Variants in CATSPERT observed in about 807,000 individuals in gnomAD.
CATSPERT encodes catsper channel auxiliary subunit tau.
chr2:201,605,059 T>TACACACAC, the CATSPERT span, among the ~76,000 whole-genome samples: 176 of 149,860 alleles, frequency 1.2e-3, no homozygotes, highest in Non-Finnish European at 2.2e-3. Context: ...TATATATACA[T>TACACACAC]ACACACACAC....
the CATSPERT span, among the ~76,000 whole-genome samples, chr2:201,585,065 A>G: frequency 2.6e-5 from 4 of 152,150 alleles, no homozygotes; most frequent in Non-Finnish European, 5.9e-5. Flanking sequence ...CAAATTTACA[A>G]TTCTATACTC....
At chr2:201,540,538 T>C in the CATSPERT span, among the ~76,000 whole-genome samples, 1 of 152,194 alleles carries the variant, frequency 6.6e-6, no homozygotes, top group African/African-American at 2.4e-5. Context: ...GCTCTATAAA[T>C]GGAACAACAA....
the CATSPERT span, among the ~76,000 whole-genome samples, chr2:201,616,539 G>A: frequency 9.9e-5 from 15 of 152,108 alleles, no homozygotes; most frequent in Non-Finnish European, 2.1e-4. Flanking sequence ...AATAAACTAC[G>A]TATTGATGGG....
chr2:201,546,608 G>C, the CATSPERT span, among the ~76,000 whole-genome samples: 1 of 151,998 alleles, frequency 6.6e-6, no homozygotes, highest in Non-Finnish European at 1.5e-5. Flanking sequence ...CACTAGGATG[G>C]GTATAATAAT....
At chr2:201,613,644 G>A in the CATSPERT span, among the ~76,000 whole-genome samples, 75 of 152,274 alleles carry the variant, frequency 4.9e-4, no homozygotes, top group African/African-American at 1.7e-3. Context: ...TCAGAGTGCC[G>A]TTTCTCCTAC....
the CATSPERT span, among the ~76,000 whole-genome samples, chr2:201,490,974 C>T: frequency 1.3e-5 from 2 of 152,154 alleles, no homozygotes; most frequent in Admixed American, 1.3e-4. Context: ...CCACCTGCCT[C>T]AGCCTCCCAA....
chr2:201,496,752 C>G, the CATSPERT span, among the ~76,000 whole-genome samples: 1 of 152,166 alleles, frequency 6.6e-6, no homozygotes, highest in African/African-American at 2.4e-5. Context: ...GATCACAGAA[C>G]CATTGAATTT....
chr2:201,579,627 A>T, the CATSPERT span, among the ~76,000 whole-genome samples: 2 of 151,566 alleles, frequency 1.3e-5, no homozygotes, highest in Non-Finnish European at 2.9e-5. Flanking sequence ...ATTCAGTCAA[A>T]TGTGTTGTAT....
the CATSPERT span, among the ~76,000 whole-genome samples, chr2:201,615,406 T>A: frequency 2.3e-4 from 35 of 152,312 alleles, no homozygotes; most frequent in African/African-American, 7.5e-4. Context: ...AGAAACTCTC[T>A]CAAAACTGCT....
chr2:201,571,484 T>C, the CATSPERT span, among the ~76,000 whole-genome samples: 1 of 152,172 alleles, frequency 6.6e-6, no homozygotes, highest in Non-Finnish European at 1.5e-5. Context: ...TGACATTTGT[T>C]TTACCATAGA....
At chr2:201,501,192 A>G in the CATSPERT span, among the ~76,000 whole-genome samples, 1 of 151,950 alleles carries the variant, frequency 6.6e-6, no homozygotes. Flanking sequence ...TGAGATCGGG[A>G]GTTCGAGACT....
the CATSPERT span, among the ~76,000 whole-genome samples, chr2:201,505,671 C>A: frequency 3.3e-5 from 5 of 152,042 alleles, no homozygotes; most frequent in Non-Finnish European, 7.4e-5. Context: ...CTGTCAAAAA[C>A]CAGAGGAAAC....
At chr2:201,597,009 A>G in the CATSPERT span, among the ~76,000 whole-genome samples, 1 of 152,196 alleles carries the variant, frequency 6.6e-6, no homozygotes, top group East Asian at 1.9e-4. Context: ...TTTTTATTCT[A>G]TGAATGAACA....
the CATSPERT span, among the ~76,000 whole-genome samples, chr2:201,563,650 T>C: frequency 6.6e-6 from 1 of 152,226 alleles, no homozygotes; most frequent in Non-Finnish European, 1.5e-5. Context: ...TTTCTTAATT[T>C]ATAATTTACT....
chr2:201,518,169 G>A, the CATSPERT span, among the ~76,000 whole-genome samples: 98,116 of 152,086 alleles, frequency 0.65, 33,013 homozygotes, highest in East Asian at 0.98. Flanking sequence ...CACATCCTGT[G>A]CCCAGAGCCC....
At chr2:201,510,955 A>T in the CATSPERT span, among the ~76,000 whole-genome samples, 1 of 152,258 alleles carries the variant, frequency 6.6e-6, no homozygotes, top group African/African-American at 2.4e-5. Flanking sequence ...AAAACATATA[A>T]AGCATTTTCA....
At chr2:201,617,637 T>C in the CATSPERT span, among the ~76,000 whole-genome samples, 4 of 152,102 alleles carry the variant, frequency 2.6e-5, no homozygotes, top group Non-Finnish European at 4.4e-5. Context: ...CCATTCAGGA[T>C]ATAGGCATGG....
chr2:201,566,967 A>G, the CATSPERT span, among the ~76,000 whole-genome samples: 1 of 152,200 alleles, frequency 6.6e-6, no homozygotes, highest in Non-Finnish European at 1.5e-5. Flanking sequence ...CTAGTGTTAG[A>G]AAGATTAAAC....
At chr2:201,598,342 C>G in the CATSPERT span, among the ~76,000 whole-genome samples, 1 of 152,080 alleles carries the variant, frequency 6.6e-6, no homozygotes, top group East Asian at 1.9e-4. Flanking sequence ...AGGCCTCAAG[C>G]ATTCCTCCTG....
Sources: allele counts gnomAD v4.1 joint callset (sites outside exome capture counted in the v4.1 genomes callset), GRCh38; gene constraint gnomAD v4.1.1; transcripts MANE v1.5; gene names NCBI Gene and HGNC (gene_info 2026-07-23, HGNC 2026-07-21).